PRKCQ: variants seen among roughly 807,000 people sequenced by gnomAD.
PRKCQ encodes the protein protein kinase C theta type.
PRKCQ carries 41 observed loss-of-function variants against 91.2 expected under a neutral mutation model. That is an observed-to-expected ratio of 0.45 (90% CI 0.35 to 0.58). The LOEUF (loss-of-function observed/expected upper bound fraction) is 0.58. Among genes scored for constraint, PRKCQ ranks in the 20% least tolerant of loss-of-function variants. The probability of loss-of-function intolerance (pLI) is 0.00; values close to 1 mark genes in which losing one functional copy is unlikely to be tolerated. For missense variants in PRKCQ, 673 were observed against 896.5 expected (o/e 0.75, Z 3.18); for synonymous variants, 307 against 316.9 (o/e 0.97, Z 0.33).
chr10:6,561,091 T>C (rs1369267171), intron 1 of PRKCQ, among the ~76,000 whole-genome samples: 2 of 151,622 alleles, frequency 1.3e-5, no homozygotes, highest in Non-Finnish European at 2.9e-5. Flanking sequence ...AAATTCTTCC[T>C]TGAGGCTGGG....
chr10:6,468,525 A>G (rs1231499929), intron 12 of PRKCQ, among the ~76,000 whole-genome samples: 1 of 152,242 alleles, frequency 6.6e-6, no homozygotes, highest in Admixed American at 6.5e-5. Flanking sequence ...TTAATTTTGT[A>G]AATGCACTGA....
chr10:6,437,594 C>T (rs1395771569), intron 16 of PRKCQ, among the ~76,000 whole-genome samples: 1 of 152,154 alleles, frequency 6.6e-6, no homozygotes, highest in African/African-American at 2.4e-5. Flanking sequence ...AGTGTTTGAA[C>T]CTGCCTTTAT....
In PRKCQ at chr10:6,465,765, A is replaced by C. The variant is rs1835619408; in HGVS notation, c.1354-1361T>G. Among the ~76,000 whole-genome samples the C allele has an allele frequency of 6.6e-6, 1 of 152,228 alleles. No individual in the cohort carries two copies. The highest frequency in any genetic ancestry group is 1.5e-5 in the Non-Finnish European group (1 of 68,032). On this transcript the variant is annotated intron_variant, in intron 12 of 17. Transcript: ENST00000263125. This position sits in a 1 kb window ranked among gnomAD's most constrained non-coding sequence, Gnocchi z 4.4. ...AATGGGGAAACCAAGTATTGTGGCA[A>C]TTATCTCAATAATCCAGGTCAAGGT...
At chr10:6,428,813 G>A (rs1833259778) in intron 17 of PRKCQ, among the ~76,000 whole-genome samples, 1 of 152,128 alleles carries the variant, frequency 6.6e-6, no homozygotes, top group African/African-American at 2.4e-5. Context: ...ACATATTCCT[G>A]TTCTTTTATC....
intron 14 of PRKCQ, among the ~76,000 whole-genome samples, chr10:6,457,295 G>A (rs1182401552): frequency 1.3e-5 from 2 of 152,132 alleles, no homozygotes; most frequent in African/African-American, 4.8e-5. Context: ...TGTTTCCTTG[G>A]AGAACTAGTA....
chr10:6,460,992 C>T (rs1835302932), intron 14 of PRKCQ, among the ~76,000 whole-genome samples: 1 of 151,388 alleles, frequency 6.6e-6, no homozygotes, highest in African/African-American at 2.4e-5. Context: ...TCATCCATTC[C>T]TCATCCATCC....
intron 1 of PRKCQ, among the ~76,000 whole-genome samples, chr10:6,516,194 C>T (rs1838745631): frequency 6.6e-6 from 1 of 152,120 alleles, no homozygotes. Flanking sequence ...AGTAACATAC[C>T]TGGAGATCTT....
At chr10:6,469,680 C>T (rs1308413701) in intron 12 of PRKCQ, among the ~76,000 whole-genome samples, 1 of 152,154 alleles carries the variant, frequency 6.6e-6, no homozygotes, top group Non-Finnish European at 1.5e-5. Flanking sequence ...ACCAGCTAGG[C>T]TTATCTTCTC....
At chr10:6,549,409 C>T (rs1840094199) in intron 1 of PRKCQ, among the ~76,000 whole-genome samples, 1 of 152,236 alleles carries the variant, frequency 6.6e-6, no homozygotes, top group South Asian at 2.1e-4. Context: ...GGGCAAGATA[C>T]TCACTTGGGA....
intron 1 of PRKCQ, among the ~76,000 whole-genome samples, chr10:6,562,643 T>G (rs1245603174): frequency 1.3e-5 from 2 of 152,236 alleles, no homozygotes; most frequent in Admixed American, 6.5e-5. Flanking sequence ...TTTTTAAACA[T>G]AAGTCAGTAG....
chr10:6,396,872 T>A, the PRKCQ span, among the ~76,000 whole-genome samples: 1 of 152,262 alleles, frequency 6.6e-6, no homozygotes, highest in African/African-American at 2.4e-5. Context: ...ATTTTTCAAA[T>A]GCATTGCAAC....
At chr10:6,470,905 G>A (rs1444574496) in intron 12 of PRKCQ, among the ~76,000 whole-genome samples, 2 of 148,610 alleles carry the variant, frequency 1.3e-5, no homozygotes, top group Non-Finnish European at 3.0e-5. Flanking sequence ...GAGCCGCCTG[G>A]GCAACAGAGT....
chr10:6,425,551 A>C (rs1391146251), downstream of PRKCQ, among the ~76,000 whole-genome samples: 1 of 152,126 alleles, frequency 6.6e-6, no homozygotes, highest in Non-Finnish European at 1.5e-5. Flanking sequence ...TAGGGATATT[A>C]ATAAGCAATT....
At chr10:6,564,767 T>C (rs996571352) in intron 1 of PRKCQ, among the ~76,000 whole-genome samples, 5 of 152,188 alleles carry the variant, frequency 3.3e-5, no homozygotes, top group Admixed American at 6.5e-5. Context: ...GTTTGTTCCA[T>C]AGCAATTGAT....
chr10:6,543,899 G>C (rs963109947), intron 1 of PRKCQ, among the ~76,000 whole-genome samples: 1 of 152,182 alleles, frequency 6.6e-6, no homozygotes, highest in African/African-American at 2.4e-5. Context: ...TGTCAGGACC[G>C]AAAGAGCAGA....
At chr10:6,562,909 A>G (rs1396757525) in intron 1 of PRKCQ, among the ~76,000 whole-genome samples, 1 of 152,232 alleles carries the variant, frequency 6.6e-6, no homozygotes, top group Non-Finnish European at 1.5e-5. Flanking sequence ...TAATTATTAT[A>G]TACTCAGAGT....
intron 16 of PRKCQ, among the ~76,000 whole-genome samples, chr10:6,435,093 T>C (rs1173001127): frequency 6.6e-6 from 1 of 152,188 alleles, no homozygotes; most frequent in African/African-American, 2.4e-5. Flanking sequence ...TTTTTGTACT[T>C]TTAGTAGAGA....
intron 1 of PRKCQ, among the ~76,000 whole-genome samples, chr10:6,543,812 T>C (rs74114334): frequency 0.014 from 2,057 of 152,270 alleles, 41 homozygotes; most frequent in African/African-American, 0.048. Context: ...ACAAATGTCC[T>C]GCCACTCCCA....
At chr10:6,434,873 T>TAGAC (rs1226068516) in intron 16 of PRKCQ, among the ~76,000 whole-genome samples, 2 of 152,220 alleles carry the variant, frequency 1.3e-5, no homozygotes, top group Non-Finnish European at 2.9e-5. Flanking sequence ...TTCAAACAAA[T>TAGAC]AGACAGGACA....
Sources: gnomAD v4.1 joint callset for allele counts (sites outside exome capture counted in the v4.1 genomes callset) on GRCh38, gnomAD v4.1.1 for gene constraint, Gnocchi (gnomAD v3.1) non-coding constraint, MANE v1.5 for transcripts, NCBI Gene and HGNC (gene_info 2026-07-23, HGNC 2026-07-21) for gene names.